BBS9: variants seen among roughly 807,000 people sequenced by gnomAD.
BBS9 encodes the protein Bardet-Biedl syndrome 9, also known as protein PTHB1.
In BBS9, 89 loss-of-function variants were observed where a neutral mutation model predicts 117.7. The ratio of observed to expected loss-of-function variants is 0.76; its 90% CI spans 0.64 to 0.90. The LOEUF is 0.90. BBS9 is among the 40% of genes least tolerant of loss of function. The pLI, the probability that BBS9 is intolerant of heterozygous loss-of-function variation, is 0.00. For synonymous variants in BBS9, 379 were observed against 370.9 expected (o/e 1.02, Z -0.25); for missense variants, 982 against 1,042.2 (o/e 0.94, Z 0.80).
intron 20 of BBS9, among the ~76,000 whole-genome samples, chr7:33,527,032 TG>T (rs1227627212): frequency 2.0e-5 from 3 of 151,440 alleles, no homozygotes; most frequent in Non-Finnish European, 4.4e-5. Context: ...GTGCCCCTGT[TG>T]GGGGGTGCCT....
At chr7:33,563,518 G>A (rs1856402711) in intron 21 of BBS9, among the ~76,000 whole-genome samples, 1 of 152,204 alleles carries the variant, frequency 6.6e-6, no homozygotes, top group Non-Finnish European at 1.5e-5. Flanking sequence ...TTAGAAAATT[G>A]AATTTTGATA....
intron 5 of BBS9, among the ~76,000 whole-genome samples, chr7:33,206,358 C>T (rs1786925780): frequency 6.6e-6 from 1 of 152,136 alleles, no homozygotes; most frequent in Admixed American, 6.5e-5. Flanking sequence ...GTTATAGCAG[C>T]TTGGCCTTTT....
chr7:33,227,109 G>T (rs1275037984), intron 5 of BBS9, among the ~76,000 whole-genome samples: 1 of 151,830 alleles, frequency 6.6e-6, no homozygotes, highest in Non-Finnish European at 1.5e-5. Flanking sequence ...TCAAAAAGCT[G>T]TGTCAAGAAT....
At chr7:33,499,282 A>G (rs1208904149) in intron 19 of BBS9, among the ~76,000 whole-genome samples, 1 of 152,200 alleles carries the variant, frequency 6.6e-6, no homozygotes. Context: ...TTTAAAGGTG[A>G]TGAAACTAGA....
rs1189803526 is a variant in BBS9 at position 33,351,244 on chromosome 7, C to G, written c.1458C>G (p.Ser486Arg). The G allele has an allele frequency of 6.2e-7, 1 of 1,611,148 alleles. No homozygotes were observed. The highest frequency in any genetic ancestry group is 2.2e-5 in the East Asian group (1 of 44,776). The change falls in exon 14 of 23, where the codon AGC becomes AGG. Residue 486 changes from serine (S) to arginine (R), a missense_variant. Coordinates refer to ENST00000242067, the MANE Select transcript of BBS9 (RefSeq NM_198428.3). The stretch of plus-strand genomic sequence containing the variant: ...CACCAGATTTGACTAGAACAGTAAG[C>G]TTTTCTGTTTATCTGAAAAGAAGTT... Reference protein sequence around the residue: ...FMTPDLTRTVSFSVYLKRSYT... With the variant: ...FMTPDLTRTVRFSVYLKRSYT...
At chr7:33,479,237 A>T (rs1842203359) in intron 19 of BBS9, among the ~76,000 whole-genome samples, 1 of 152,072 alleles carries the variant, frequency 6.6e-6, no homozygotes, top group Non-Finnish European at 1.5e-5. Flanking sequence ...TTTTCAACCC[A>T]TGCCTCCTTC....
At chr7:33,547,529 A>G (rs1434799051) in intron 21 of BBS9, among the ~76,000 whole-genome samples, 1 of 152,236 alleles carries the variant, frequency 6.6e-6, no homozygotes, top group Non-Finnish European at 1.5e-5. Flanking sequence ...TATACATGAA[A>G]AATTTTTTTT....
At chr7:33,166,971 G>A (rs184399545) in intron 4 of BBS9, among the ~76,000 whole-genome samples, 16 of 152,306 alleles carry the variant, frequency 1.1e-4, no homozygotes, top group Admixed American at 3.9e-4. Flanking sequence ...TGTCAGTCAC[G>A]CTGGGAGCTG....
intron 19 of BBS9, among the ~76,000 whole-genome samples, chr7:33,454,779 G>A (rs1838393454): frequency 6.6e-6 from 1 of 152,186 alleles, no homozygotes; most frequent in Non-Finnish European, 1.5e-5. Context: ...GGGGCAGTTT[G>A]GGCAGGGAAT....
intron 1 of BBS9, among the ~76,000 whole-genome samples, chr7:33,134,637 A>G (rs1297621104): frequency 6.6e-6 from 1 of 152,064 alleles, no homozygotes; most frequent in East Asian, 1.9e-4. Flanking sequence ...CTGCTGCCCA[A>G]GCTGAGAGGT....
chr7:33,413,523 T>G (rs892064448), intron 19 of BBS9, among the ~76,000 whole-genome samples: 1 of 152,138 alleles, frequency 6.6e-6, no homozygotes, highest in Non-Finnish European at 1.5e-5. Context: ...CACACTGTCT[T>G]CATTAGTAAG....
At chr7:33,241,589 C>T (rs2128283901) in intron 5 of BBS9, among the ~76,000 whole-genome samples, 1 of 152,066 alleles carries the variant, frequency 6.6e-6, no homozygotes, top group Middle Eastern at 3.4e-3. Context: ...TTCTTTATGT[C>T]TCTTAACTTC....
chr7:33,553,470 C>T (rs775708853), intron 21 of BBS9, among the ~76,000 whole-genome samples: 1 of 152,070 alleles, frequency 6.6e-6, no homozygotes, highest in African/African-American at 2.4e-5. Flanking sequence ...CTGCTGTCTC[C>T]CTCCCATTTC....
At chr7:33,301,607 T>C (rs1392841461) in intron 9 of BBS9, among the ~76,000 whole-genome samples, 1 of 152,202 alleles carries the variant, frequency 6.6e-6, no homozygotes, top group African/African-American at 2.4e-5. Flanking sequence ...TCTCCATTTC[T>C]TTTTTATGGC....
At chr7:33,240,749 CTTAT>C (rs1022449376) in intron 5 of BBS9, among the ~76,000 whole-genome samples, 7 of 152,204 alleles carry the variant, frequency 4.6e-5, no homozygotes, top group African/African-American at 1.7e-4. Flanking sequence ...CACAGTATAT[CTTAT>C]TTATTTAGAT....
intron 4 of BBS9, among the ~76,000 whole-genome samples, chr7:33,175,465 C>T (rs1330718297): frequency 6.6e-6 from 1 of 152,048 alleles, no homozygotes. Context: ...AATTTAATGG[C>T]CTTTAACTGA....
At chr7:33,483,151 A>G (rs1156978131) in intron 19 of BBS9, among the ~76,000 whole-genome samples, 1 of 152,146 alleles carries the variant, frequency 6.6e-6, no homozygotes, top group South Asian at 2.1e-4. Context: ...TCATAAGTGT[A>G]TCCTGTCTTG....
At chr7:33,454,230 T>A (rs1838313478) in intron 19 of BBS9, among the ~76,000 whole-genome samples, 1 of 152,232 alleles carries the variant, frequency 6.6e-6, no homozygotes, top group Non-Finnish European at 1.5e-5. Context: ...TAGATTGGCT[T>A]AAACAATAAA....
At chr7:33,179,201 T>C (rs1479668972) in intron 5 of BBS9, among the ~76,000 whole-genome samples, 4 of 152,164 alleles carry the variant, frequency 2.6e-5, no homozygotes, top group African/African-American at 9.7e-5. Context: ...AAAAAAATTA[T>C]AACATGAGAA....
Sources: allele counts gnomAD v4.1 joint callset (sites outside exome capture counted in the v4.1 genomes callset), GRCh38; gene constraint gnomAD v4.1.1; transcripts MANE v1.5; gene names NCBI Gene and HGNC (gene_info 2026-07-23, HGNC 2026-07-21).